Variants in AGPAT3 observed in about 807,000 individuals in gnomAD.
AGPAT3 encodes 1-acylglycerol-3-phosphate O-acyltransferase 3.
In AGPAT3, 5 loss-of-function variants were observed where a neutral mutation model predicts 47.3. The observed-to-expected ratio is 0.11, with a 90% CI of 0.06 to 0.22. AGPAT3 has a LOEUF of 0.22. AGPAT3 is among the 10% of genes least tolerant of loss of function. The pLI is 1.00. For synonymous variants in AGPAT3, 212 were observed against 208.3 expected (o/e 1.02, Z -0.15); for missense variants, 315 against 493.0 (o/e 0.64, Z 3.42).
intron 1 of AGPAT3, among the ~76,000 whole-genome samples, chr21:43,882,850 T>C (rs938548689): frequency 6.6e-6 from 1 of 152,146 alleles, no homozygotes; most frequent in Non-Finnish European, 1.5e-5. Flanking sequence ...GCTCTGCCTG[T>C]TGTCTCCATC....
intron 1 of AGPAT3, among the ~76,000 whole-genome samples, chr21:43,873,900 C>T (rs563536626): frequency 6.1e-4 from 93 of 152,280 alleles, no homozygotes; most frequent in African/African-American, 2.1e-3. Flanking sequence ...TCACTAATTT[C>T]TGCTCATTGT....
rs368835246 is a variant in AGPAT3 at position 43,933,742 on chromosome 21, G to T, written c.-48-25892G>T. Among the ~76,000 whole-genome samples the T allele has an allele frequency of 1.3e-5, 2 of 151,916 alleles. No individual in the cohort carries two copies. The highest frequency in any genetic ancestry group is 4.8e-5 in the African/African-American group (2 of 41,416). On this transcript the variant is annotated intron_variant, in intron 2 of 9. Coordinates refer to ENST00000291572, the MANE Select transcript of AGPAT3 (RefSeq NM_020132.5). The surrounding 1 kb of genome is among the most constrained non-coding windows in gnomAD (Gnocchi z 6.0). The stretch of plus-strand genomic sequence containing the variant: ...GGGAGAGTCAGGAGAGAAGGACGCC[G>T]CATACCAGATGCCCAGAGGCCCCGG...
Position 43,984,405 on chromosome 21 carries a change from A to G in AGPAT3, c.*2013A>G, listed in dbSNP as rs913437974. 4 of 152,444 alleles carry G rather than the reference A, an allele frequency of 2.6e-5. No individual in the cohort carries two copies. The highest frequency in any genetic ancestry group is 4.4e-5 in the Non-Finnish European group (3 of 68,194). 9.4% of individuals were successfully genotyped at this position (152,444 alleles called of 1,614,324 possible). On this transcript the variant is annotated 3_prime_UTR_variant, in exon 10 of 10. Transcript: ENST00000291572. ...AGGAAAAAAGCTGAAGGGTACGACCATGCACATATGTGACCTGGAAAATGC... is the reference window on the plus strand; with the variant it reads ...AGGAAAAAAGCTGAAGGGTACGACCGTGCACATATGTGACCTGGAAAATGC...
rs1204201006 is a variant in AGPAT3, at chr21:43,890,096, C to A, written c.-111-13861C>A. On this transcript the variant is annotated intron_variant, in intron 1 of 9. Coordinates refer to ENST00000291572, the MANE Select transcript of AGPAT3 (RefSeq NM_020132.5). ...TCTGAATCTCAGTTGAATTGTAATCCCCAGTGTTGGCAGTGGGGCCTGGTG... is the reference window on the plus strand; with the variant it reads ...TCTGAATCTCAGTTGAATTGTAATCACCAGTGTTGGCAGTGGGGCCTGGTG... Among the ~76,000 whole-genome samples the A allele has an allele frequency of 3.3e-5, 5 of 152,036 alleles. No individual in the cohort carries two copies. In the East Asian group the frequency reaches 9.6e-4, roughly 29 times the overall value.
intron 2 of AGPAT3, 66 bp from the exon 3 acceptor site, chr21:43,959,567 GC>G: frequency 1.4e-6 from 2 of 1,439,776 alleles, no homozygotes; most frequent in East Asian, 2.3e-5. Context: ...AGTGAGCAGT[GC>G]CCCGGTGTTC....
At chr21:43,968,670 C>T (rs1221934519) in intron 4 of AGPAT3, among the ~76,000 whole-genome samples, 2 of 152,078 alleles carry the variant, frequency 1.3e-5, no homozygotes, top group East Asian at 1.9e-4. Flanking sequence ...CAGCTGTCCC[C>T]GAGCTGTGCC....
chr21:43,922,508 G>A lies in AGPAT3; in HGVS notation c.-49+18489G>A, dbSNP rs2086921776. ...CTCCTTAACCCCACCCTCAAGGCAG[G>A]CAGCACGTGGAGGAGAGTGTCCCTG... On this transcript the variant is annotated intron_variant, in intron 2 of 9. Coordinates refer to ENST00000291572, the MANE Select transcript of AGPAT3 (RefSeq NM_020132.5). The surrounding 1 kb of genome is among the most constrained non-coding windows in gnomAD (Gnocchi z 4.9). Among the ~76,000 whole-genome samples the A allele has an allele frequency of 6.6e-6, 1 of 152,200 alleles. No homozygotes were observed. The highest frequency in any genetic ancestry group is 2.4e-5 in the African/African-American group (1 of 41,450).
chr21:43,931,225 G>A (rs1048812446), intron 2 of AGPAT3, among the ~76,000 whole-genome samples: 1 of 152,148 alleles, frequency 6.6e-6, no homozygotes, highest in Non-Finnish European at 1.5e-5. Context: ...CACGTTCCCC[G>A]CATCTGGTGC....
At chr21:43,900,678 A>G (rs1466376903) in intron 1 of AGPAT3, among the ~76,000 whole-genome samples, 1 of 152,106 alleles carries the variant, frequency 6.6e-6, no homozygotes, top group Non-Finnish European at 1.5e-5. Context: ...CAGGTGAGGG[A>G]AAGGGGCGTG....
intron 1 of AGPAT3, among the ~76,000 whole-genome samples, chr21:43,878,781 C>CGGGAGTGCAGTG (rs1306894861): frequency 6.7e-6 from 1 of 149,984 alleles, no homozygotes; most frequent in Non-Finnish European, 1.5e-5. Context: ...GTTGCCCAGA[C>CGGGAGTGCAGTG]GGGAGTGCAG....
chr21:43,881,780 T>C (rs1376815232), intron 1 of AGPAT3, among the ~76,000 whole-genome samples: 1 of 152,108 alleles, frequency 6.6e-6, no homozygotes. Context: ...CTCAGCCTCC[T>C]GAGTAGCTGG....
intron 2 of AGPAT3, among the ~76,000 whole-genome samples, chr21:43,907,029 CTTT>C (rs760824887): frequency 1.6e-5 from 2 of 128,804 alleles, no homozygotes; most frequent in Admixed American, 7.7e-5. Context: ...TCTTTTCTTT[CTTT>C]TTTTTTTTTT....
chr21:43,967,761 C>A, intron 3 of AGPAT3, 185 bp from the exon 4 acceptor site: 1 of 613,040 alleles, frequency 1.6e-6, no homozygotes. Context: ...CTGTCTCCTC[C>A]CAACTGTTGC....
At chr21:43,947,990 A>G (rs528561667) in intron 2 of AGPAT3, among the ~76,000 whole-genome samples, 1 of 152,342 alleles carries the variant, frequency 6.6e-6, no homozygotes, top group Admixed American at 6.5e-5. Flanking sequence ...TATATTGAAT[A>G]CGAGCCATTC....
intron 3 of AGPAT3, among the ~76,000 whole-genome samples, chr21:43,962,152 C>T (rs573926348): frequency 6.6e-6 from 1 of 152,192 alleles, no homozygotes; most frequent in Admixed American, 6.5e-5. Flanking sequence ...AGGCACCCGC[C>T]ACCACTCCTG....
intron 8 of AGPAT3, among the ~76,000 whole-genome samples, chr21:43,980,200 C>T (rs534596664): frequency 7.4e-5 from 11 of 149,100 alleles, no homozygotes; most frequent in South Asian, 4.3e-4. Flanking sequence ...CGCTTAAACC[C>T]GGGAGACAGA....
chr21:43,934,761 G>A lies in AGPAT3; in HGVS notation c.-48-24873G>A, dbSNP rs1310161684. ...AGCCACGCCATGCCACCCACGTGCT[G>A]CCATATCACATCACGCCACCCACGC... On this transcript the variant is annotated intron_variant, in intron 2 of 9. Coordinates refer to ENST00000291572, the MANE Select transcript of AGPAT3 (RefSeq NM_020132.5). This position sits in a 1 kb window ranked among gnomAD's most constrained non-coding sequence, Gnocchi z 4.7. 6.6e-6 allele frequency among the ~76,000 whole-genome samples: 1 copy of A among 151,736 alleles called. No individual in the cohort carries two copies. Among genetic ancestry groups the A allele is most frequent in the Non-Finnish European group, 1.5e-5 (1 of 67,934 alleles).
intron 1 of AGPAT3, among the ~76,000 whole-genome samples, chr21:43,902,279 C>T (rs1024676470): frequency 2.6e-5 from 4 of 152,192 alleles, no homozygotes; most frequent in Admixed American, 6.5e-5. Context: ...GGACACCTAT[C>T]TACAAAAACA....
chr21:43,888,193 C>T (rs550038316), intron 1 of AGPAT3, among the ~76,000 whole-genome samples: 4 of 152,252 alleles, frequency 2.6e-5, no homozygotes, highest in South Asian at 4.2e-4. Flanking sequence ...GTGCACACCA[C>T]CACACCCAGC....
Sources: gnomAD v4.1 joint callset for allele counts (sites outside exome capture counted in the v4.1 genomes callset) on GRCh38, gnomAD v4.1.1 for gene constraint, Gnocchi (gnomAD v3.1) non-coding constraint, MANE v1.5 for transcripts, NCBI Gene and HGNC (gene_info 2026-07-23, HGNC 2026-07-21) for gene names.